The following CEP15 variants were observed in gnomAD, a reference collection of about 807,000 sequenced individuals.
CEP15 encodes centrosomal protein 15 kDa.
the CEP15 span, chr3:62,336,206 T>G: frequency 2.0e-5 from 3 of 152,082 alleles, no homozygotes; most frequent in African/African-American, 7.2e-5. This position sits in a 1 kb window ranked among gnomAD's most constrained non-coding sequence, Gnocchi z 4.4. Flanking sequence ...AAACTTATTT[T>G]GAGATTATTT....
At chr3:62,333,661 G>T in the CEP15 span, 1 of 245,534 alleles carries the variant, frequency 4.1e-6, no homozygotes, top group Non-Finnish European at 7.7e-6. The surrounding 1 kb of genome is among the most constrained non-coding windows in gnomAD (Gnocchi z 4.0). Context: ...TGTCAGTGTT[G>T]TGAGTGTGTT....
chr3:62,336,163 AAT>A, the CEP15 span: 1 of 152,264 alleles, frequency 6.6e-6, no homozygotes, highest in Admixed American at 6.5e-5. The surrounding 1 kb of genome is among the most constrained non-coding windows in gnomAD (Gnocchi z 4.4). Context: ...AAATAAAGTG[AAT>A]ATGTGTGCAT....
chr3:62,331,527 C>T, the CEP15 span: 1 of 748,094 alleles, frequency 1.3e-6, no homozygotes, highest in Non-Finnish European at 2.2e-6. Flanking sequence ...GAAGATATGC[C>T]TGTTTGAGCT....
At chr3:62,326,033 A>G in the CEP15 span, among the ~76,000 whole-genome samples, 1 of 152,024 alleles carries the variant, frequency 6.6e-6, no homozygotes, top group Non-Finnish European at 1.5e-5. Context: ...AAAAAAAAAA[A>G]AAAAAAAGGC....
At chr3:62,324,907 A>G in the CEP15 span, among the ~76,000 whole-genome samples, 5 of 152,246 alleles carry the variant, frequency 3.3e-5, no homozygotes, top group African/African-American at 1.2e-4. Flanking sequence ...TGAAAAGGAA[A>G]GTATAACACT....
chr3:62,330,765 C>A, the CEP15 span, among the ~76,000 whole-genome samples: 2 of 152,038 alleles, frequency 1.3e-5, no homozygotes, highest in African/African-American at 4.8e-5. Context: ...TCACTAAGTA[C>A]TGAGGTATCT....
At chr3:62,319,473 G>C in the CEP15 span, 2 of 152,146 alleles carry the variant, frequency 1.3e-5, no homozygotes, top group African/African-American at 4.8e-5. Flanking sequence ...ATTGCTGTCC[G>C]CGGTGCTGAA....
chr3:62,324,797 G>C, the CEP15 span, among the ~76,000 whole-genome samples: 1 of 152,098 alleles, frequency 6.6e-6, no homozygotes, highest in Non-Finnish European at 1.5e-5. Context: ...TGTAATAAGA[G>C]TACAAAATAT....
chr3:62,328,443 T>A, the CEP15 span, among the ~76,000 whole-genome samples: 1 of 152,226 alleles, frequency 6.6e-6, no homozygotes, highest in Non-Finnish European at 1.5e-5. Flanking sequence ...ACACTTGATG[T>A]AGCTCTTCTC....
chr3:62,331,536 C>A, the CEP15 span: 1 of 689,844 alleles, frequency 1.4e-6, no homozygotes, highest in Non-Finnish European at 2.5e-6. Flanking sequence ...CCTGTTTGAG[C>A]TTTTTATGTC....
At chr3:62,323,347 T>C in the CEP15 span, among the ~76,000 whole-genome samples, 1 of 152,176 alleles carries the variant, frequency 6.6e-6, no homozygotes, top group South Asian at 2.1e-4. Context: ...GAGAAGAAGC[T>C]AAGCCTAGCC....
At chr3:62,333,484 C>G in the CEP15 span, 1 of 1,361,070 alleles carries the variant, frequency 7.3e-7, no homozygotes, top group East Asian at 2.4e-5. This position sits in a 1 kb window ranked among gnomAD's most constrained non-coding sequence, Gnocchi z 4.0. Flanking sequence ...TAAATATGTT[C>G]ATATTCTTCG....
the CEP15 span, among the ~76,000 whole-genome samples, chr3:62,329,331 G>C: frequency 1.3e-5 from 2 of 152,134 alleles, no homozygotes; most frequent in East Asian, 3.8e-4. Context: ...TCATTTGGTT[G>C]AGAAGTAAGG....
At chr3:62,323,422 G>T in the CEP15 span, among the ~76,000 whole-genome samples, 120 of 152,328 alleles carry the variant, frequency 7.9e-4, no homozygotes, top group Admixed American at 2.0e-3. Flanking sequence ...AAGACCAGAA[G>T]ACTGACCTTG....
chr3:62,319,290 A>T, the CEP15 span: 1 of 152,228 alleles, frequency 6.6e-6, no homozygotes, highest in Non-Finnish European at 1.5e-5. Flanking sequence ...AAGTGCTGAT[A>T]GTGGGCCTCA....
the CEP15 span, among the ~76,000 whole-genome samples, chr3:62,332,887 G>T: frequency 1.3e-5 from 2 of 151,936 alleles, no homozygotes; most frequent in Non-Finnish European, 2.9e-5. Flanking sequence ...GTAATCATTT[G>T]GTATGGGATT....
At chr3:62,328,832 G>T in the CEP15 span, among the ~76,000 whole-genome samples, 1 of 151,990 alleles carries the variant, frequency 6.6e-6, no homozygotes, top group Non-Finnish European at 1.5e-5. Flanking sequence ...TATAATCAAA[G>T]GAAAGGTTCT....
the CEP15 span, among the ~76,000 whole-genome samples, chr3:62,324,855 GA>G: frequency 6.6e-6 from 1 of 152,098 alleles, no homozygotes; most frequent in Non-Finnish European, 1.5e-5. Flanking sequence ...TAGATCTTCT[GA>G]CCAATATAAT....
chr3:62,330,108 G>A, the CEP15 span, among the ~76,000 whole-genome samples: 5 of 152,138 alleles, frequency 3.3e-5, no homozygotes, highest in East Asian at 9.7e-4. Context: ...ATTAATGGTT[G>A]TGCAACTTTG....
Sources: allele counts gnomAD v4.1 joint callset (sites outside exome capture counted in the v4.1 genomes callset), GRCh38; gene constraint gnomAD v4.1.1; non-coding constraint Gnocchi (gnomAD v3.1); transcripts MANE v1.5; gene names NCBI Gene and HGNC (gene_info 2026-07-23, HGNC 2026-07-21).